LRRC37A2: variants seen among roughly 807,000 people sequenced by gnomAD.
LRRC37A2 encodes leucine-rich repeat-containing protein 37A2.
A neutral mutation model predicts 68.8 loss-of-function variants in LRRC37A2; 9 were observed. That is an observed-to-expected ratio of 0.13 (90% CI 0.08 to 0.23). The LOEUF is 0.23. Ranked by LOEUF, LRRC37A2 falls within the 10% of genes least tolerant of loss-of-function variation. The pLI is 1.00. For missense variants in LRRC37A2, 168 were observed against 950.4 expected (o/e 0.18, Z 10.82); for synonymous variants, 63 against 367.6 (o/e 0.17, Z 9.48).
At chr17:46,791,218 T>C in the LRRC37A2 span, among the ~76,000 whole-genome samples, 7 of 145,314 alleles carry the variant, frequency 4.8e-5, no homozygotes, top group Non-Finnish European at 9.1e-5. Context: ...TTCCTTACTC[T>C]TTTTTTTTTT....
chr17:46,855,698 CTATT>C, the LRRC37A2 span, among the ~76,000 whole-genome samples: 1 of 152,158 alleles, frequency 6.6e-6, no homozygotes, highest in African/African-American at 2.4e-5. Context: ...CCAATCCAGT[CTATT>C]TATTTATTTA....
the LRRC37A2 span, among the ~76,000 whole-genome samples, chr17:46,761,533 C>A: frequency 6.4e-4 from 97 of 151,886 alleles, no homozygotes; most frequent in Non-Finnish European, 1.5e-4. Context: ...CGGGCTTTCA[C>A]CATGTTGGCC....
chr17:46,932,487 C>G, the LRRC37A2 span: 9 of 593,378 alleles, frequency 1.5e-5, no homozygotes, highest in South Asian at 1.9e-4. Context: ...TGGAAGTTCA[C>G]ATGGTGGAAA....
the LRRC37A2 span, chr17:47,018,175 A>G: frequency 6.2e-7 from 1 of 1,601,476 alleles, no homozygotes; most frequent in Non-Finnish European, 8.6e-7. Flanking sequence ...ACCCCAATTC[A>G]GTTTCCAGAG....
chr17:46,693,390 G>T, the LRRC37A2 span, among the ~76,000 whole-genome samples: 1 of 151,964 alleles, frequency 6.6e-6, no homozygotes, highest in Non-Finnish European at 1.5e-5. Flanking sequence ...GGCCTTCGGG[G>T]GTCCTCAGAG....
At chr17:46,974,351 G>A in the LRRC37A2 span, among the ~76,000 whole-genome samples, 4 of 152,356 alleles carry the variant, frequency 2.6e-5, no homozygotes, top group African/African-American at 7.2e-5. Flanking sequence ...GCTTGGACAA[G>A]ATCAGTAAAC....
chr17:46,900,162 C>T, the LRRC37A2 span, among the ~76,000 whole-genome samples: 133 of 101,124 alleles, frequency 1.3e-3, 5 homozygotes, highest in African/African-American at 5.1e-3. Flanking sequence ...TATATATATA[C>T]ATATACATAT....
chr17:46,532,387 T>C (rs1301202908), intron 6 of LRRC37A2, among the ~76,000 whole-genome samples: 41 of 150,360 alleles, frequency 2.7e-4, no homozygotes, highest in Non-Finnish European at 5.3e-4. Flanking sequence ...TTTTTGTGTG[T>C]GATGTCTTTA....
the LRRC37A2 span, among the ~76,000 whole-genome samples, chr17:46,893,366 T>C: frequency 3.3e-5 from 5 of 152,240 alleles, no homozygotes; most frequent in African/African-American, 1.2e-4. Context: ...GGGTCCTTTA[T>C]GGACTTCTGA....
the LRRC37A2 span, among the ~76,000 whole-genome samples, chr17:47,032,768 A>G: frequency 6.6e-6 from 1 of 152,134 alleles, no homozygotes; most frequent in Non-Finnish European, 1.5e-5. Context: ...AATGCTACCC[A>G]GAAAGGCTCA....
At chr17:46,900,894 G>C in the LRRC37A2 span, among the ~76,000 whole-genome samples, 1 of 152,194 alleles carries the variant, frequency 6.6e-6, no homozygotes, top group Non-Finnish European at 1.5e-5. Context: ...GATCAAGACA[G>C]CCAGGATCTG....
At chr17:46,780,416 C>T in the LRRC37A2 span, among the ~76,000 whole-genome samples, 1 of 152,210 alleles carries the variant, frequency 6.6e-6, no homozygotes, top group African/African-American at 2.4e-5. Flanking sequence ...AAAGAGGGCC[C>T]TGTCCCTCAA....
the LRRC37A2 span, among the ~76,000 whole-genome samples, chr17:46,959,125 C>T: frequency 6.6e-6 from 1 of 152,214 alleles, no homozygotes; most frequent in Admixed American, 6.5e-5. Context: ...TAGAATGTGG[C>T]TAGGCAGCGA....
chr17:46,833,109 G>A, the LRRC37A2 span: 8 of 356,340 alleles, frequency 2.2e-5, no homozygotes, highest in Admixed American at 3.8e-5. Context: ...AGAGGGGGAG[G>A]GTTGTTGACA....
At chr17:46,864,440 C>T in the LRRC37A2 span, among the ~76,000 whole-genome samples, 407 of 152,300 alleles carry the variant, frequency 2.7e-3, 1 homozygote, top group Non-Finnish European at 4.5e-3. Flanking sequence ...CAGACTCTCA[C>T]ACTTTAGTAT....
the LRRC37A2 span, among the ~76,000 whole-genome samples, chr17:46,493,931 T>C: frequency 2.6e-5 from 4 of 151,064 alleles, no homozygotes; most frequent in Non-Finnish European, 4.4e-5. Context: ...TCCCCTCGAC[T>C]CCAGGTTCAA....
the LRRC37A2 span, among the ~76,000 whole-genome samples, chr17:46,649,330 G>A: frequency 1.3e-5 from 2 of 150,172 alleles, no homozygotes; most frequent in African/African-American, 5.0e-5. Flanking sequence ...TAGTAATGGT[G>A]TAAGTAGTCT....
At chr17:46,813,669 AG>A in the LRRC37A2 span, among the ~76,000 whole-genome samples, 2 of 152,018 alleles carry the variant, frequency 1.3e-5, no homozygotes, top group Non-Finnish European at 2.9e-5. Flanking sequence ...TTTCCCTGGA[AG>A]GGTTTGTTAG....
chr17:46,819,822 T>C, the LRRC37A2 span, among the ~76,000 whole-genome samples: 1 of 152,194 alleles, frequency 6.6e-6, no homozygotes, highest in Non-Finnish European at 1.5e-5. The surrounding 1 kb of genome is among the most constrained non-coding windows in gnomAD (Gnocchi z 5.3). Flanking sequence ...GAGCGAGGAA[T>C]TAGGTCTCAG....
Sources: allele counts gnomAD v4.1 joint callset (sites outside exome capture counted in the v4.1 genomes callset), GRCh38; gene constraint gnomAD v4.1.1; non-coding constraint Gnocchi (gnomAD v3.1); transcripts MANE v1.5; gene names NCBI Gene and HGNC (gene_info 2026-07-23, HGNC 2026-07-21).